The following BOD1L1 variants were observed in gnomAD, a reference collection of about 807,000 sequenced individuals.
BOD1L1 encodes biorientation of chromosomes in cell division protein 1-like 1.
A neutral mutation model predicts 240.7 loss-of-function variants in BOD1L1; 86 were observed. The observed-to-expected ratio is 0.36, with a 90% confidence interval of 0.30 to 0.43. The LOEUF is 0.43. Ranked by LOEUF, BOD1L1 falls within the 20% of genes least tolerant of loss-of-function variation. The probability of loss-of-function intolerance (pLI) is 1.00; values close to 1 mark genes in which losing one functional copy is unlikely to be tolerated. For synonymous variants in BOD1L1, 1,268 were observed against 1,272.3 expected (o/e 1.00, Z 0.07); for missense variants, 3,554 against 3,643.5 (o/e 0.98, Z 0.63).
intron 2 of BOD1L1, among the ~76,000 whole-genome samples, chr4:13,615,964 A>C (rs987765425): frequency 1.3e-5 from 2 of 152,248 alleles, no homozygotes; most frequent in African/African-American, 2.4e-5. Context: ...CCAGAAAAAA[A>C]ACAACACATA....
At chr4:13,593,972 T>G (rs1714414972) in intron 12 of BOD1L1, among the ~76,000 whole-genome samples, 1 of 152,160 alleles carries the variant, frequency 6.6e-6, no homozygotes, top group Non-Finnish European at 1.5e-5. Context: ...TAAATCAGAA[T>G]AAGTCTCAGG....
Position 13,599,130 on chromosome 4 carries a change from G to A in BOD1L1, c.7770C>T (p.Tyr2590=), listed in dbSNP as rs796200872. The A allele has an allele frequency of 1.9e-6, 3 of 1,613,796 alleles. No homozygotes were observed. In the African/African-American group the frequency reaches 4.0e-5, roughly 22 times the overall value. The change falls in exon 10 of 26, where the codon TAC becomes TAT. Residue 2590 remains tyrosine, a synonymous_variant. Transcript: ENST00000040738. ...PSHTMIPPAT[Y]SVALLAPKCE... Reference sequence around the variant, plus strand: ...ATTTAGGAGCCAACAGAGCTACACTGTAAGTAGCTGGAGGGATCATTGTGT... The same window carrying A: ...ATTTAGGAGCCAACAGAGCTACACTATAAGTAGCTGGAGGGATCATTGTGT...
intron 1 of BOD1L1, chr4:13,625,693 C>T (rs913275105): frequency 6.6e-6 from 1 of 152,126 alleles, no homozygotes; most frequent in Admixed American, 6.5e-5. Flanking sequence ...CCATGTCTAA[C>T]CTTTTCCCAT....
intron 25 of BOD1L1, chr4:13,572,693 G>A (rs527411112): frequency 7.8e-7 from 1 of 1,289,474 alleles, no homozygotes; most frequent in Admixed American, 2.3e-5. Flanking sequence ...AGTGTAAGCA[G>A]GGACTTACCT....
intron 17 of BOD1L1, 38 bp from the exon 18 acceptor site, chr4:13,582,774 A>T: frequency 7.1e-7 from 1 of 1,410,788 alleles, no homozygotes; most frequent in East Asian, 2.3e-5. Context: ...CCTTCTTCAA[A>T]CTGAAGCCTT....
intron 9 of BOD1L1, among the ~76,000 whole-genome samples, chr4:13,606,475 A>G (rs1279219837): frequency 6.6e-6 from 1 of 152,216 alleles, no homozygotes; most frequent in African/African-American, 2.4e-5. Flanking sequence ...TGTAAAAAAG[A>G]ATTTTAAAAC....
chr4:13,579,215 G>C (rs1168313941), intron 22 of BOD1L1, among the ~76,000 whole-genome samples: 1 of 152,148 alleles, frequency 6.6e-6, no homozygotes, highest in Non-Finnish European at 1.5e-5. Context: ...GCTTTAATTG[G>C]AGTCCTTAAA....
In BOD1L1 at chr4:13,620,010, T is replaced by C. The variant is rs1220779862; in HGVS notation, c.301A>G (p.Thr101Ala). Residue 101 changes from threonine to alanine, a missense_variant, in exon 2 of 26, where the codon ACT becomes GCT. Around this residue, in one of 2 missense-constraint regions of BOD1L1, gnomAD observed 161 missense variants for 216.4 expected, o/e 0.74. Transcript: ENST00000040738. ...VDNFVANHLA[T>A]HTWSPHLNKN... The stretch of plus-strand genomic sequence containing the variant: ...TTGAGATGCGGACTCCATGTGTGAG[T>C]TGCCAAGTGATTTGCAACAAAGTTG... The C allele has an allele frequency of 5.6e-6, 9 of 1,611,686 alleles. No homozygotes were observed. Among genetic ancestry groups the C allele is most frequent in the East Asian group, 2.2e-5 (1 of 44,864 alleles).
intron 11 of BOD1L1, among the ~76,000 whole-genome samples, 154 bp downstream of exon 11, chr4:13,596,950 G>C (rs1434701990): frequency 6.6e-6 from 1 of 152,164 alleles, no homozygotes; most frequent in Admixed American, 6.5e-5. Context: ...GAGGTTCTTA[G>C]CTTTCCCCCC....
At chr4:13,596,954 T>C (rs1384928039) in intron 11 of BOD1L1, 150 bp downstream of exon 11, 8 of 601,194 alleles carry the variant, frequency 1.3e-5, no homozygotes, top group Admixed American at 9.1e-5. Flanking sequence ...TTCTTAGCTT[T>C]CCCCCCACAG....
intron 2 of BOD1L1, among the ~76,000 whole-genome samples, chr4:13,617,042 C>G (rs999041557): frequency 2.0e-5 from 3 of 152,008 alleles, no homozygotes; most frequent in Non-Finnish European, 4.4e-5. Flanking sequence ...GTCAGGAGAT[C>G]GAGACCATCC....
At position 13,607,195 on chromosome 4, in the gene BOD1L1, G is replaced by C. The variant is rs779183290; in HGVS notation, c.1743-6C>G. 6.5e-7 allele frequency: 1 copy of C among 1,545,992 alleles called. No homozygotes were observed. Among genetic ancestry groups the C allele is most frequent in the Non-Finnish European group, 8.7e-7 (1 of 1,146,246 alleles). On this transcript the variant is annotated splice_polypyrimidine_tract_variant and splice_region_variant and intron_variant, in intron 8 of 25. Transcript: ENST00000040738. Reference sequence around the variant, plus strand: ...TGGAGTTCTCTTCAACATTCCTAAGGGGGAAAGAGTCAAATATAAAGCATG... The same window carrying C: ...TGGAGTTCTCTTCAACATTCCTAAGCGGGAAAGAGTCAAATATAAAGCATG...
At chr4:13,608,827 T>C (rs1715935438) in intron 7 of BOD1L1, among the ~76,000 whole-genome samples, 159 bp from the exon 8 acceptor site, 1 of 152,210 alleles carries the variant, frequency 6.6e-6, no homozygotes, top group Admixed American at 6.5e-5. Flanking sequence ...GATGAAGAAG[T>C]CTTATCTCTC....
Position 13,603,083 on chromosome 4 carries a change from C to G in BOD1L1, c.3817G>C (p.Glu1273Gln), listed in dbSNP as rs761254423. ...EHVAQGDATLEHSTNLDSSPS... is the reference protein window; with the variant it reads ...EHVAQGDATLQHSTNLDSSPS... Reference sequence around the variant, plus strand: ...GAGGAGTCTAAATTTGTGGAATGTTCAAGAGTGGCATCTCCTTGAGCAACA... The same window carrying G: ...GAGGAGTCTAAATTTGTGGAATGTTGAAGAGTGGCATCTCCTTGAGCAACA... Residue 1273 changes from glutamate (E) to glutamine (Q), a missense_variant, in exon 10 of 26, where the codon GAA (glutamate) becomes CAA (glutamine). Physicochemically the swap from Glu to Gln is conservative, Grantham distance 29. Around this residue, in one of 2 missense-constraint regions of BOD1L1, gnomAD observed 3,393 missense variants for 3,427.1 expected, o/e 0.99. Coordinates refer to ENST00000040738, the MANE Select transcript of BOD1L1 (RefSeq NM_148894.3). 1 of 1,613,950 alleles carries G rather than the reference C, an allele frequency of 6.2e-7. No individual in the cohort carries two copies. Among genetic ancestry groups the G allele is most frequent in the African/African-American group, 1.3e-5 (1 of 75,034 alleles).
rs769169158 is a variant in BOD1L1 at position 13,605,075 on chromosome 4, T to G, written c.1825A>C (p.Lys609Gln). 6.5e-7 allele frequency: 1 copy of G among 1,545,880 alleles called. No individual in the cohort carries two copies. The highest frequency in any genetic ancestry group is 2.3e-5 in the Admixed American group (1 of 42,884). Reference sequence around the variant, plus strand: ...TCCTTTGAAGAAGAAATTTTTTCCTTTTCACAATGCTGAAAGAAAACAAAG... The same window carrying G: ...TCCTTTGAAGAAGAAATTTTTTCCTGTTCACAATGCTGAAAGAAAACAAAG... Reference protein sequence around the residue: ...ETLKTSEHCEKEKISSSKELK... With the variant: ...ETLKTSEHCEQEKISSSKELK... Residue 609 changes from lysine to glutamine, a missense_variant, in exon 10 of 26, where the codon AAG becomes CAG. Physicochemically the swap from Lys to Gln is moderately conservative, Grantham distance 53. Transcript: ENST00000040738.
chr4:13,581,029 G>T lies in BOD1L1; in HGVS notation c.8694C>A (p.Gly2898=). The change falls in exon 21 of 26, where the codon GGC becomes GGA. Residue 2898 remains glycine (G), a synonymous_variant. Transcript: ENST00000040738. ...TTTTGCAATTACTTACAGTGACAAT[G>T]CCAGTATCTGTTTTGGAGTCGTCTT... ...KMKDDSKTDT[G]IVTVEQSPSS... The T allele has an allele frequency of 6.4e-7, 1 of 1,574,098 alleles. No individual in the cohort carries two copies. The highest frequency in any genetic ancestry group is 8.6e-7 in the Non-Finnish European group (1 of 1,159,196).
intron 2 of BOD1L1, among the ~76,000 whole-genome samples, chr4:13,618,034 C>G: frequency 6.6e-6 from 1 of 152,176 alleles, no homozygotes; most frequent in East Asian, 1.9e-4. Flanking sequence ...GACACAGCCA[C>G]AAGAACCCCT....
chr4:13,612,708 T>G (rs946823837), intron 5 of BOD1L1, among the ~76,000 whole-genome samples: 4 of 152,280 alleles, frequency 2.6e-5, no homozygotes, highest in African/African-American at 7.2e-5. Flanking sequence ...TATGCCTGAC[T>G]GGAGTGTTTC....
chr4:13,618,089 T>C (rs974774966), intron 2 of BOD1L1, among the ~76,000 whole-genome samples: 1 of 152,224 alleles, frequency 6.6e-6, no homozygotes, highest in African/African-American at 2.4e-5. Context: ...ATCTTACTGG[T>C]ACAGCAATAA....
Sources: gnomAD v4.1 joint callset for allele counts (sites outside exome capture counted in the v4.1 genomes callset) on GRCh38, gnomAD v4.1.1 for gene constraint, gnomAD v4.1.1 regional missense constraint, MANE v1.5 for transcripts, NCBI Gene and HGNC (gene_info 2026-07-23, HGNC 2026-07-21) for gene names.